MYZAP: variants seen among roughly 807,000 people sequenced by gnomAD.
MYZAP encodes myocardial zonula adherens protein.
MYZAP carries 66 observed loss-of-function variants against 69.4 expected under a neutral mutation model. The observed-to-expected ratio is 0.95, with a 90% CI of 0.78 to 1.17. The LOEUF is 1.17. MYZAP is among the 50% of genes most tolerant of loss of function. MYZAP has a pLI of 0.00. For synonymous variants in MYZAP, 256 were observed against 205.9 expected (o/e 1.24, Z -2.09); for missense variants, 611 against 556.2 (o/e 1.10, Z -0.99).
chr15:57,668,060 C>G (rs1427459091), intron 11 of MYZAP, among the ~76,000 whole-genome samples: 1 of 152,148 alleles, frequency 6.6e-6, no homozygotes, highest in African/African-American at 2.4e-5. Context: ...TATAGCATGC[C>G]CTCTTCTCTG....
At chr15:57,643,739 TTG>T (rs1285296051) in intron 10 of MYZAP, among the ~76,000 whole-genome samples, 30 of 147,498 alleles carry the variant, frequency 2.0e-4, no homozygotes, top group African/African-American at 7.9e-4. Context: ...GGTTTTTTTT[TTG>T]TTTTTTTTTT....
At chr15:57,668,163 T>C (rs1438463957) in intron 11 of MYZAP, among the ~76,000 whole-genome samples, 1 of 152,230 alleles carries the variant, frequency 6.6e-6, no homozygotes, top group African/African-American at 2.4e-5. Flanking sequence ...TGTATGAATA[T>C]ATCGCAGTTT....
At chr15:57,673,460 ATGCGTGTGTGTGTGTGTGTGTG>A in intron 11 of MYZAP, among the ~76,000 whole-genome samples, 1 of 72,986 alleles carries the variant, frequency 1.4e-5, no homozygotes, top group South Asian at 5.3e-4. Context: ...GCATGCGTGC[ATGCGTGTGTGTGTGTGTGTGTG>A]TGTGTGTGTG....
intron 1 of MYZAP, 129 bp downstream of exon 1, chr15:57,592,238 C>T (rs1046044265): frequency 3.5e-6 from 3 of 851,050 alleles, no homozygotes; most frequent in African/African-American, 1.8e-5. Flanking sequence ...GGGCTCAACT[C>T]CCCGGTCCTG....
At chr15:57,596,917 T>TG (rs2034098160) in intron 1 of MYZAP, among the ~76,000 whole-genome samples, 1 of 152,168 alleles carries the variant, frequency 6.6e-6, no homozygotes, top group Non-Finnish European at 1.5e-5. Context: ...CACCATTACT[T>TG]GCGTCACCTG....
chr15:57,675,997 G>A (rs1217491520), intron 12 of MYZAP, among the ~76,000 whole-genome samples: 1 of 152,098 alleles, frequency 6.6e-6, no homozygotes, highest in Non-Finnish European at 1.5e-5. Flanking sequence ...GGAATCTTGA[G>A]TGGTTACAGC....
intron 11 of MYZAP, among the ~76,000 whole-genome samples, chr15:57,664,332 T>G (rs2140562575): frequency 6.6e-6 from 1 of 152,338 alleles, no homozygotes; most frequent in Admixed American, 6.5e-5. Context: ...TATTAAAAAC[T>G]TATGCATTCT....
intron 2 of MYZAP, among the ~76,000 whole-genome samples, chr15:57,614,108 A>C (rs1449062507): frequency 6.6e-6 from 1 of 152,246 alleles, no homozygotes; most frequent in Admixed American, 6.5e-5. Context: ...TGACCGGGGT[A>C]AACATTAACT....
chr15:57,648,001 G>C (rs1350514698), intron 10 of MYZAP: 1 of 985,240 alleles, frequency 1.0e-6, no homozygotes. Context: ...GCTCTGTCTC[G>C]TGGCCACTCA....
chr15:57,624,576 A>C (rs1310722366), intron 4 of MYZAP, among the ~76,000 whole-genome samples: 6 of 152,182 alleles, frequency 3.9e-5, no homozygotes, highest in Non-Finnish European at 8.8e-5. Context: ...GACACCAATG[A>C]CTGTCATCAA....
In MYZAP at chr15:57,629,971, A is replaced by ATTTTTTTTTTTTTTTTTTTTTTTT. The variant is rs59322468; in HGVS notation, c.678+132_678+133insTTTTTTTTTTTTTTTTTTTTTTTT. ...TTTTCTCCATTCTCTTCTTCATTGG[A>ATTTTTTTTTTTTTTTTTTTTTTTT]TTTTTTTTTTTTTTTGAGACAGAGT... On this transcript the variant is annotated intron_variant, in intron 6 of 12. Coordinates refer to ENST00000267853, the MANE Select transcript of MYZAP (RefSeq NM_001018100.5). The ATTTTTTTTTTTTTTTTTTTTTTTT allele has an allele frequency of 4.0e-6, 3 of 758,742 alleles. 1 individual carries two copies. The African/African-American group carries it at 7.1e-5, about 18-fold the overall frequency. The allele number at this position is 758,742 out of a possible 1,614,324, so 47.0% of individuals were successfully genotyped here. A position where few individuals can be genotyped will look rare whatever the true frequency, so the allele number is the denominator to read the frequency against.
At chr15:57,656,885 G>T (rs2038035707) in intron 10 of MYZAP, among the ~76,000 whole-genome samples, 1 of 152,168 alleles carries the variant, frequency 6.6e-6, no homozygotes, top group African/African-American at 2.4e-5. Context: ...AAAACCATGA[G>T]CCTTGTTAGA....
chr15:57,670,524 T>G (rs1272132597), intron 11 of MYZAP, among the ~76,000 whole-genome samples: 2 of 152,100 alleles, frequency 1.3e-5, no homozygotes, highest in Admixed American at 1.3e-4. Context: ...GACTTGCTTT[T>G]TTATACATAG....
chr15:57,601,303 G>A (rs1162279117), intron 1 of MYZAP, among the ~76,000 whole-genome samples: 1 of 135,604 alleles, frequency 7.4e-6, no homozygotes, highest in African/African-American at 2.8e-5. Context: ...TGTGTGTGAT[G>A]TGGTGCAGGA....
At chr15:57,598,615 G>T (rs906318537) in intron 1 of MYZAP, among the ~76,000 whole-genome samples, 1 of 152,192 alleles carries the variant, frequency 6.6e-6, no homozygotes, top group Non-Finnish European at 1.5e-5. Flanking sequence ...TTATTGAAAT[G>T]AACTCAGATT....
At chr15:57,602,733 C>T (rs1208189154) in intron 1 of MYZAP, among the ~76,000 whole-genome samples, 2 of 152,202 alleles carry the variant, frequency 1.3e-5, no homozygotes, top group African/African-American at 4.8e-5. Context: ...CAAATCTCAG[C>T]TCTGTCATTT....
intron 12 of MYZAP, among the ~76,000 whole-genome samples, chr15:57,683,606 A>G (rs1366600382): frequency 1.3e-5 from 2 of 152,202 alleles, no homozygotes; most frequent in Non-Finnish European, 2.9e-5. Context: ...CTGCCATAAC[A>G]AAGTACCATA....
chr15:57,606,658 G>A (rs1233989951), intron 2 of MYZAP, among the ~76,000 whole-genome samples: 3 of 152,142 alleles, frequency 2.0e-5, no homozygotes, highest in East Asian at 3.9e-4. Context: ...CAGCGCACCA[G>A]CATGGCACAT....
chr15:57,644,424 T>C (rs917930266), intron 10 of MYZAP, among the ~76,000 whole-genome samples: 1 of 152,132 alleles, frequency 6.6e-6, no homozygotes, highest in Non-Finnish European at 1.5e-5. Flanking sequence ...GGGAGGATTC[T>C]GTGACAGCTC....
Sources: gnomAD v4.1 joint callset for allele counts (sites outside exome capture counted in the v4.1 genomes callset) on GRCh38, gnomAD v4.1.1 for gene constraint, MANE v1.5 for transcripts, NCBI Gene and HGNC (gene_info 2026-07-23, HGNC 2026-07-21) for gene names.